TFDP2: variants seen among roughly 807,000 people sequenced by gnomAD.
TFDP2 encodes the protein transcription factor Dp-2 (E2F dimerization partner 2).
In TFDP2, 17 loss-of-function variants were observed where a neutral mutation model predicts 59.3. The ratio of observed to expected loss-of-function variants is 0.29; its 90% CI spans 0.20 to 0.43. The LOEUF is 0.43. Among genes scored for constraint, TFDP2 ranks in the 20% least tolerant of loss-of-function variants. TFDP2 has a pLI of 1.00. For missense variants in TFDP2, 391 were observed against 528.8 expected, an observed-to-expected ratio of 0.74 and a Z score of 2.56; for synonymous variants, 180 against 194.7, an observed-to-expected ratio of 0.92 and a Z score of 0.63.
intron 3 of TFDP2, among the ~76,000 whole-genome samples, chr3:142,045,722 T>C (rs1228610330): frequency 1.3e-5 from 2 of 151,304 alleles, no homozygotes; most frequent in African/African-American, 4.9e-5. Flanking sequence ...AAAGGATTCT[T>C]CTGCCTCAGC....
intron 6 of TFDP2, 33 bp downstream of exon 6, chr3:141,993,505 T>A (rs1216471355): frequency 6.8e-7 from 1 of 1,470,934 alleles, no homozygotes; most frequent in Non-Finnish European, 9.3e-7. Flanking sequence ...TATAGCCAAA[T>A]CTTCCAAACA....
chr3:142,128,634 C>G (rs2062367792), intron 1 of TFDP2, among the ~76,000 whole-genome samples: 1 of 148,098 alleles, frequency 6.8e-6, no homozygotes, highest in African/African-American at 2.5e-5. Context: ...CAGGAGACAC[C>G]AAATTAACAG....
chr3:141,989,112 T>C (rs773783413), intron 6 of TFDP2: 1 of 152,256 alleles, frequency 6.6e-6, no homozygotes. Flanking sequence ...TCTTACATCC[T>C]CTTGGGTCAT....
rs1395469603 is a variant in TFDP2, at chr3:141,978,537, G to A, written c.502C>T (p.His168Tyr). Residue 168 changes from histidine to tyrosine, a missense_variant, in exon 7 of 13, where the codon CAT becomes TAT. Around this residue, in one of 3 missense-constraint regions of TFDP2, gnomAD observed 162 missense variants for 206.8 expected, o/e 0.78. Coordinates refer to ENST00000489671, the MANE Select transcript of TFDP2 (RefSeq NM_001178139.2). ...TTACATACCGAATCAGCAGCCAAAT[G>A]GTTATTTGAATTGGTGAACTCTGAC... ...LVSEFTNSNN[H>Y]LAADSAYDQK... The A allele has an allele frequency of 6.2e-7, 1 of 1,609,672 alleles. No homozygotes were observed. The highest frequency in any genetic ancestry group is 1.1e-5 in the South Asian group (1 of 89,542).
intron 3 of TFDP2, among the ~76,000 whole-genome samples, chr3:142,010,379 G>C (rs375677514): frequency 6.6e-6 from 1 of 152,182 alleles, no homozygotes; most frequent in Non-Finnish European, 1.5e-5. Flanking sequence ...GGGAGGCCAA[G>C]GTGGGTGGAT....
chr3:141,954,988 C>T (rs1160581635), intron 11 of TFDP2, among the ~76,000 whole-genome samples: 1 of 152,100 alleles, frequency 6.6e-6, no homozygotes, highest in Non-Finnish European at 1.5e-5. Context: ...AAAAAAGAGA[C>T]TTCAAGTCTA....
rs145578747 is a variant in TFDP2, at chr3:142,047,944, G to A, written c.83-42400C>T. Among the ~76,000 whole-genome samples the A allele has an allele frequency of 1.3e-3, 194 of 151,962 alleles. 1 individual carries two copies. Among genetic ancestry groups the A allele is most frequent in the African/African-American group, 4.4e-3 (182 of 41,422 alleles). ...TTTAGTAGAGACGCGGTCTCACCAC[G>A]TTGGCCAGGCTGATCTTGAGTTCCT... On this transcript the variant is annotated intron_variant, in intron 3 of 12. Coordinates refer to ENST00000489671, the MANE Select transcript of TFDP2 (RefSeq NM_001178139.2).
At chr3:142,095,127 A>T (rs1304882402) in intron 2 of TFDP2, among the ~76,000 whole-genome samples, 1 of 151,982 alleles carries the variant, frequency 6.6e-6, no homozygotes, top group Admixed American at 6.6e-5. Flanking sequence ...AGTAGCTGGG[A>T]TTACAGGCGT....
At chr3:141,996,851 C>T (rs767946020) in intron 4 of TFDP2, among the ~76,000 whole-genome samples, 1 of 152,000 alleles carries the variant, frequency 6.6e-6, no homozygotes, top group South Asian at 2.1e-4. Flanking sequence ...AGTTTCAATC[C>T]GTTCATTCCA....
At chr3:142,037,921 T>C (rs1209022359) in intron 3 of TFDP2, among the ~76,000 whole-genome samples, 1 of 152,244 alleles carries the variant, frequency 6.6e-6, no homozygotes, top group African/African-American at 2.4e-5. Flanking sequence ...TACATTATCA[T>C]GTAATAAACA....
intron 6 of TFDP2, among the ~76,000 whole-genome samples, chr3:141,992,877 G>A (rs918546809): frequency 6.6e-6 from 1 of 152,178 alleles, no homozygotes; most frequent in Non-Finnish European, 1.5e-5. Flanking sequence ...AGGAGTTTCT[G>A]ACATGGCAGG....
intron 6 of TFDP2, chr3:141,989,378 C>G (rs78748951): frequency 0.068 from 10,420 of 152,306 alleles, 429 homozygotes; most frequent in African/African-American, 0.12. Flanking sequence ...GACAAGCAGG[C>G]AGCCAGTCTG....
chr3:142,038,424 A>G (rs138712760), intron 3 of TFDP2, among the ~76,000 whole-genome samples: 1,607 of 151,244 alleles, frequency 0.011, 12 homozygotes, highest in Non-Finnish European at 0.017. Flanking sequence ...AAGTAGAAAT[A>G]CTGTAGATGA....
At chr3:142,133,121 A>G (rs2062578503) in intron 1 of TFDP2, among the ~76,000 whole-genome samples, 1 of 150,384 alleles carries the variant, frequency 6.6e-6, no homozygotes, top group Admixed American at 6.6e-5. Flanking sequence ...TAACTAAAAC[A>G]CTGTGGCACA....
chr3:142,034,182 G>A (rs770968336), intron 3 of TFDP2, among the ~76,000 whole-genome samples: 11 of 141,984 alleles, frequency 7.7e-5, no homozygotes, highest in Non-Finnish European at 1.3e-4. Flanking sequence ...CTCAACCTCC[G>A]CCTCCCAGGT....
intron 6 of TFDP2, among the ~76,000 whole-genome samples, chr3:141,993,316 A>ATAC (rs2108183225): frequency 6.6e-6 from 1 of 152,378 alleles, no homozygotes; most frequent in South Asian, 2.1e-4. Context: ...ACTAAAGGAC[A>ATAC]TACTACCAAT....
chr3:142,017,389 A>G (rs1945209412), intron 3 of TFDP2, among the ~76,000 whole-genome samples: 1 of 152,154 alleles, frequency 6.6e-6, no homozygotes, highest in Non-Finnish European at 1.5e-5. Flanking sequence ...AAGTATATAT[A>G]CAAATTCATA....
At position 142,043,687 on chromosome 3, in the gene TFDP2, C is replaced by T. The variant is rs1235445995; in HGVS notation, c.83-38143G>A. 29 of 1,050,362 alleles carry T rather than the reference C, an allele frequency of 2.8e-5. No homozygotes were observed. In the Middle Eastern group the frequency reaches 1.1e-3, roughly 38 times the overall value. 65.1% of individuals were successfully genotyped at this position (1,050,362 alleles called of 1,614,324 possible). ...GATCTCCTCCTTCTTGGCCTGCAGGCGTTCTTCACCGTGCTTGCGTGCTTC... is the reference window on the plus strand; with the variant it reads ...GATCTCCTCCTTCTTGGCCTGCAGGTGTTCTTCACCGTGCTTGCGTGCTTC... On this transcript the variant is annotated intron_variant, in intron 3 of 12. Transcript: ENST00000489671.
intron 3 of TFDP2, among the ~76,000 whole-genome samples, chr3:142,076,220 A>C (rs1464705395): frequency 6.6e-6 from 1 of 151,996 alleles, no homozygotes; most frequent in East Asian, 1.9e-4. Flanking sequence ...CAAAAAAAAA[A>C]AAAAAAGAAA....
Sources: gnomAD v4.1 joint callset for allele counts (sites outside exome capture counted in the v4.1 genomes callset) on GRCh38, gnomAD v4.1.1 for gene constraint, gnomAD v4.1.1 regional missense constraint, MANE v1.5 for transcripts, NCBI Gene and HGNC (gene_info 2026-07-23, HGNC 2026-07-21) for gene names.